The following LHX4 variants were observed in gnomAD, a reference collection of about 807,000 sequenced individuals.
LHX4 encodes the protein LIM/homeobox protein Lhx4.
In LHX4, 16 loss-of-function variants were observed where a neutral mutation model predicts 39.2. The observed-to-expected ratio is 0.41, with a 90% CI of 0.28 to 0.62. The LOEUF (loss-of-function observed/expected upper bound fraction) is 0.62. Ranked by LOEUF, LHX4 falls within the 20% of genes least tolerant of loss-of-function variation. The pLI is 0.33. For synonymous variants in LHX4, 206 were observed against 198.1 expected (o/e 1.04, Z -0.33); for missense variants, 439 against 511.9 (o/e 0.86, Z 1.37).
intron 2 of LHX4, among the ~76,000 whole-genome samples, chr1:180,258,547 C>T (rs944511330): frequency 7.2e-5 from 11 of 152,120 alleles, no homozygotes; most frequent in East Asian, 1.9e-4. Flanking sequence ...TGGGCGGAAG[C>T]GGGGAGACTG....
At chr1:180,251,095 GGCCTTCCCGCCAGGTGA>G (rs1432464676) in intron 2 of LHX4, among the ~76,000 whole-genome samples, 1 of 152,178 alleles carries the variant, frequency 6.6e-6, no homozygotes, top group Non-Finnish European at 1.5e-5. Context: ...CCGCCAGGTG[GGCCTTCCCGCCAGGTGA>G]GCCTTCCACC....
At chr1:180,233,688 G>A (rs1664232364) in intron 1 of LHX4, among the ~76,000 whole-genome samples, 1 of 152,228 alleles carries the variant, frequency 6.6e-6, no homozygotes, top group Admixed American at 6.5e-5. Context: ...CCCAGGCACC[G>A]AGGGAAAGGA....
chr1:180,273,899 G>A (rs1648846724), intron 5 of LHX4: 6 of 475,374 alleles, frequency 1.3e-5, no homozygotes, highest in South Asian at 1.3e-4. Context: ...TGTAGCCAGA[G>A]TATTAGTACA....
chr1:180,249,243 A>G (rs1453890951), intron 2 of LHX4, among the ~76,000 whole-genome samples: 1 of 152,220 alleles, frequency 6.6e-6, no homozygotes, highest in African/African-American at 2.4e-5. Context: ...GTTAGCTCTT[A>G]AGACTGTCTG....
intron 2 of LHX4, among the ~76,000 whole-genome samples, chr1:180,257,428 G>A (rs537356567): frequency 3.9e-5 from 6 of 152,216 alleles, no homozygotes; most frequent in African/African-American, 1.2e-4. Flanking sequence ...TGACATGGGG[G>A]CTGTGTCCCC....
chr1:180,260,023 A>G (rs181410828), intron 2 of LHX4, among the ~76,000 whole-genome samples: 15 of 151,626 alleles, frequency 9.9e-5, no homozygotes, highest in East Asian at 9.7e-4. Flanking sequence ...AGGATGGTCT[A>G]TGTGGGGACT....
chr1:180,271,685 C>G (rs541028230), intron 4 of LHX4, 150 bp from the exon 5 acceptor site: 1 of 1,312,806 alleles, frequency 7.6e-7, no homozygotes, highest in Non-Finnish European at 1.1e-6. Context: ...CTGAGGCCCA[C>G]CTGGGGAGAG....
chr1:180,273,717 T>C (rs1648832022), intron 5 of LHX4: 1 of 194,376 alleles, frequency 5.1e-6, no homozygotes, highest in South Asian at 9.9e-5. Context: ...TACAGATGTC[T>C]AAGAGTGGTC....
chr1:180,248,006 G>A (rs1326410674), intron 1 of LHX4, among the ~76,000 whole-genome samples: 1 of 152,168 alleles, frequency 6.6e-6, no homozygotes, highest in African/African-American at 2.4e-5. Context: ...GCCTTGTGGT[G>A]CCCTTAGAAA....
At chr1:180,262,681 G>GAA (rs56740419) in intron 2 of LHX4, among the ~76,000 whole-genome samples, 27 of 110,944 alleles carry the variant, frequency 2.4e-4, no homozygotes, top group African/African-American at 7.4e-4. Context: ...TACCAAACTT[G>GAA]AAAAAAAAAA....
intron 1 of LHX4, among the ~76,000 whole-genome samples, chr1:180,242,425 T>C (rs1242445721): frequency 6.6e-6 from 1 of 152,214 alleles, no homozygotes; most frequent in African/African-American, 2.4e-5. Flanking sequence ...TCTCTGTATG[T>C]GTATGTACGT....
chr1:180,274,803 G>T lies in LHX4; in HGVS notation c.*224G>T, dbSNP rs920959329. 4.2e-5 allele frequency: 23 copies of T among 546,118 alleles called. No homozygotes were observed. The highest frequency in any genetic ancestry group is 1.4e-4 in the South Asian group (5 of 36,728). 33.8% of individuals were successfully genotyped at this position (546,118 alleles called of 1,614,324 possible). On this transcript the variant is annotated 3_prime_UTR_variant, in exon 6 of 6. Coordinates refer to ENST00000263726, the MANE Select transcript of LHX4 (RefSeq NM_033343.4). ...ACTCATCTCAGAACACAGCACAGGG[G>T]GTAATGGCCTAGAGCTCTAGGGACA...
chr1:180,278,902 C>A lies in LHX4; in HGVS notation c.*4323C>A, dbSNP rs1322613356. 6.6e-6 allele frequency: 1 copy of A among 151,890 alleles called. No homozygotes were observed. Among genetic ancestry groups the A allele is most frequent in the Non-Finnish European group, 1.5e-5 (1 of 68,016 alleles). 9.4% of individuals were successfully genotyped at this position (151,890 alleles called of 1,614,324 possible). A position where few individuals can be genotyped will look rare whatever the true frequency, so the allele number is the denominator to read the frequency against. ...TGACTTTGGAAAACAGAAGCTGGTGCGTTTGTTTGTATATGCCTCCTGTGT... is the reference window on the plus strand; with the variant it reads ...TGACTTTGGAAAACAGAAGCTGGTGAGTTTGTTTGTATATGCCTCCTGTGT... On this transcript the variant is annotated 3_prime_UTR_variant, in exon 6 of 6. Transcript: ENST00000263726.
rs978958922 is a variant in LHX4, at chr1:180,274,841, G to A, written c.*262G>A. On this transcript the variant is annotated 3_prime_UTR_variant, in exon 6 of 6. Transcript: ENST00000263726. ...AGCTCTAGGGACACTGGCTTGTTGG[G>A]TCTCTCCCCTGCTGTTCTGCTTAGG... 1.2e-5 allele frequency: 5 copies of A among 409,078 alleles called. No individual in the cohort carries two copies. Among genetic ancestry groups the A allele is most frequent in the Non-Finnish European group, 2.2e-5 (5 of 228,680 alleles). 25.3% of individuals were successfully genotyped at this position (409,078 alleles called of 1,614,324 possible).
At chr1:180,236,970 G>A (rs1030970439) in intron 1 of LHX4, among the ~76,000 whole-genome samples, 1 of 152,150 alleles carries the variant, frequency 6.6e-6, no homozygotes, top group Non-Finnish European at 1.5e-5. Flanking sequence ...ACAATGTTTT[G>A]CCTTTCTCCC....
At chr1:180,255,765 G>A (rs547688914) in intron 2 of LHX4, among the ~76,000 whole-genome samples, 9 of 152,376 alleles carry the variant, frequency 5.9e-5, no homozygotes, top group African/African-American at 1.2e-4. Context: ...AGCTGCAGTC[G>A]CCTGGGCCAC....
At chr1:180,248,227 C>A (rs1647462491) in intron 1 of LHX4, 58 bp from the exon 2 acceptor site, 2 of 1,583,068 alleles carry the variant, frequency 1.3e-6, no homozygotes, top group Admixed American at 1.7e-5. Flanking sequence ...CAGGGCCTGG[C>A]CTGGTTAGCA....
chr1:180,235,661 C>T (rs898197876), intron 1 of LHX4, among the ~76,000 whole-genome samples: 1 of 152,192 alleles, frequency 6.6e-6, no homozygotes, highest in Non-Finnish European at 1.5e-5. Flanking sequence ...CCTTGACGAG[C>T]GCTGGAAACG....
intron 1 of LHX4, among the ~76,000 whole-genome samples, chr1:180,248,060 C>T (rs1647457390): frequency 6.6e-6 from 1 of 152,222 alleles, no homozygotes; most frequent in African/African-American, 2.4e-5. Flanking sequence ...CCAGAATCCA[C>T]AGCCTGGCCA....
Sources: gnomAD v4.1 joint callset for allele counts (sites outside exome capture counted in the v4.1 genomes callset) on GRCh38, gnomAD v4.1.1 for gene constraint, MANE v1.5 for transcripts, NCBI Gene and HGNC (gene_info 2026-07-23, HGNC 2026-07-21) for gene names.